SLC6A2: variants seen among roughly 807,000 people sequenced by gnomAD.
The protein encoded by SLC6A2 is solute carrier family 6 member 2, also known as sodium-dependent noradrenaline transporter.
SLC6A2 carries 26 observed loss-of-function variants against 71.7 expected under a neutral mutation model. The ratio of observed to expected loss-of-function variants is 0.36; its 90% CI spans 0.27 to 0.50. SLC6A2 has a LOEUF of 0.50. Ranked by LOEUF, SLC6A2 falls within the 20% of genes least tolerant of loss-of-function variation. SLC6A2 has a pLI of 0.96. For synonymous variants in SLC6A2, 363 were observed against 337.9 expected (o/e 1.07, Z -0.82); for missense variants, 581 against 803.9 (o/e 0.72, Z 3.35).
chr16:55,662,123 G>A lies in SLC6A2; in HGVS notation c.274+5155G>A, dbSNP rs556642754. Among the ~76,000 whole-genome samples the A allele has an allele frequency of 6.6e-5, 10 of 152,348 alleles. No homozygotes were observed. In the East Asian group the frequency reaches 1.7e-3, roughly 26 times the overall value. On this transcript the variant is annotated intron_variant, in intron 2 of 14. Transcript: ENST00000568943. ...TGGTGCTCATCTGGGACCCTGATCTGAGGTCACTGGCATGGTTTGGCTTGT... is the reference window on the plus strand; with the variant it reads ...TGGTGCTCATCTGGGACCCTGATCTAAGGTCACTGGCATGGTTTGGCTTGT...
intron 10 of SLC6A2, 111 bp downstream of exon 10, chr16:55,698,136 G>A: frequency 8.3e-7 from 1 of 1,209,432 alleles, no homozygotes. Flanking sequence ...GAACAATGCA[G>A]GATCCAGCAT....
intron 2 of SLC6A2, among the ~76,000 whole-genome samples, chr16:55,662,442 T>G (rs1964635316): frequency 6.6e-6 from 1 of 152,204 alleles, no homozygotes; most frequent in Non-Finnish European, 1.5e-5. Flanking sequence ...CATGATATGC[T>G]GCAGATCTCC....
Position 55,698,583 on chromosome 16 carries a change from G to A in SLC6A2, c.1489+15G>A. 1 of 1,570,352 alleles carries A rather than the reference G, an allele frequency of 6.4e-7. No homozygotes were observed. Among genetic ancestry groups the A allele is most frequent in the Non-Finnish European group, 8.8e-7 (1 of 1,139,994 alleles). ...CTGGTTTTATGGTATGTGAGTGTGT[G>A]GAAAAGCCTCAGCTCCCAGTCCTCC... is the stretch of plus-strand genomic sequence containing the variant. On this transcript the variant is annotated intron_variant, in intron 11 of 14. Transcript: ENST00000568943.
At chr16:55,691,186 G>A (rs1965607488) in intron 5 of SLC6A2, among the ~76,000 whole-genome samples, 1 of 136,814 alleles carries the variant, frequency 7.3e-6, no homozygotes, top group Admixed American at 7.7e-5. Context: ...GAAGAGGGAG[G>A]GAGGATGGGA....
chr16:55,703,340 G>A lies in SLC6A2; in HGVS notation c.*994G>A. ...GCTGTTGTGTTAATTTATTGTTCTT[G>A]CACACCTGCACAGCCTCCCTCTGGG... On this transcript the variant is annotated 3_prime_UTR_variant, in exon 15 of 15. Transcript: ENST00000568943. 1.0e-6 allele frequency: 1 copy of A among 985,444 alleles called. No homozygotes were observed. Among genetic ancestry groups the A allele is most frequent in the Non-Finnish European group, 1.2e-6 (1 of 829,948 alleles). 61.0% of individuals were successfully genotyped at this position (985,444 alleles called of 1,614,324 possible).
chr16:55,703,925 C>A lies in SLC6A2; in HGVS notation c.*1579C>A. The A allele has an allele frequency of 2.5e-6, 1 of 406,146 alleles. No individual in the cohort carries two copies. Among genetic ancestry groups the A allele is most frequent in the Non-Finnish European group, 3.3e-6 (1 of 300,730 alleles). The allele number at this position is 406,146 out of a possible 1,614,324, so 25.2% of individuals were successfully genotyped here. A position where few individuals can be genotyped will look rare whatever the true frequency, so the allele number is the denominator to read the frequency against. ...TGAGGTTTCCTTGCTGGGTCGGGGT[C>A]CTCAGGTCATTCTATAGATAAAAGA... On this transcript the variant is annotated 3_prime_UTR_variant, in exon 15 of 15. Transcript: ENST00000568943.
chr16:55,659,346 C>T (rs1296366184), intron 2 of SLC6A2, among the ~76,000 whole-genome samples: 2 of 152,172 alleles, frequency 1.3e-5, no homozygotes. Flanking sequence ...GCTCTTTAGT[C>T]ATTGCCAGCA....
chr16:55,697,832 G>A, intron 9 of SLC6A2, 65 bp from the exon 10 acceptor site: 2 of 1,596,132 alleles, frequency 1.3e-6, no homozygotes, highest in East Asian at 2.2e-5. Flanking sequence ...AGGAACCCTG[G>A]GGCCTGAGAC....
rs539531059 is a variant in SLC6A2 at position 55,695,199 on chromosome 16, G to T, written c.1023-79G>T. 1.8e-4 allele frequency: 288 copies of T among 1,572,800 alleles called. No homozygotes were observed. In the African/African-American group the frequency reaches 3.3e-3, roughly 18 times the overall value. On this transcript the variant is annotated intron_variant, in intron 7 of 14. Transcript: ENST00000568943. Reference sequence around the variant, plus strand: ...CTTTGAGGCTGGGGCCAGGCTGCAGGTTCTATAGCCAGTCCAGCAGTCAAA... The same window carrying T: ...CTTTGAGGCTGGGGCCAGGCTGCAGTTTCTATAGCCAGTCCAGCAGTCAAA...
intron 4 of SLC6A2, among the ~76,000 whole-genome samples, chr16:55,674,243 T>C (rs1468192203): frequency 1.3e-5 from 2 of 152,090 alleles, no homozygotes. Flanking sequence ...TATGTCCATG[T>C]GTACTCAATA....
intron 2 of SLC6A2, among the ~76,000 whole-genome samples, chr16:55,667,384 G>T (rs1228245514): frequency 1.3e-5 from 2 of 152,154 alleles, no homozygotes; most frequent in African/African-American, 4.8e-5. Context: ...TCTGTAAAAG[G>T]GATTGTGGTA....
In SLC6A2 at chr16:55,695,163, G is replaced by T. The variant is rs550557129; in HGVS notation, c.1023-115G>T. ...CCATGTGGCAGCAGGAGCCACTGAA[G>T]GGGGGATGGCCTTTGAGGCTGGGGC... is the stretch of plus-strand genomic sequence containing the variant. On this transcript the variant is annotated intron_variant, in intron 7 of 14. Transcript: ENST00000568943. 5 of 1,234,472 alleles carry T rather than the reference G, an allele frequency of 4.1e-6. No individual in the cohort carries two copies. The African/African-American group carries it at 4.4e-5, about 11-fold the overall frequency. 76.5% of individuals were successfully genotyped at this position (1,234,472 alleles called of 1,614,324 possible).
At chr16:55,680,518 T>A (rs1965236814) in intron 4 of SLC6A2, among the ~76,000 whole-genome samples, 1 of 152,084 alleles carries the variant, frequency 6.6e-6, no homozygotes, top group African/African-American at 2.4e-5. Flanking sequence ...ACTAAACCAG[T>A]CTAGTCTTTC....
At chr16:55,683,612 TCAAA>T (rs55763616) in intron 4 of SLC6A2, among the ~76,000 whole-genome samples, 70,003 of 150,564 alleles carry the variant, frequency 0.46, 16,531 homozygotes, top group Middle Eastern at 0.53. Flanking sequence ...AAACTCCGTC[TCAAA>T]CAAACAAACA....
chr16:55,701,478 C>A (rs1185640787), intron 13 of SLC6A2, among the ~76,000 whole-genome samples: 1 of 152,194 alleles, frequency 6.6e-6, no homozygotes, highest in Non-Finnish European at 1.5e-5. Flanking sequence ...CCTGCAGGGC[C>A]AGAGGCTTCC....
chr16:55,706,121 G>A lies in SLC6A2; in HGVS notation c.*3775G>A, dbSNP rs1177956941. ...TCATGCAGATTTCTGTGTCTGATAT[G>A]GATTTTAAAAGTTGTTCTCTTTGTG... On this transcript the variant is annotated 3_prime_UTR_variant, in exon 15 of 15. Transcript: ENST00000568943. 6.6e-6 allele frequency: 1 copy of A among 152,180 alleles called. No individual in the cohort carries two copies. Among genetic ancestry groups the A allele is most frequent in the African/African-American group, 2.4e-5 (1 of 41,424 alleles). 9.4% of individuals were successfully genotyped at this position (152,180 alleles called of 1,614,324 possible).
rs1291060901 is a variant in SLC6A2, at chr16:55,702,869, G to A, written c.*523G>A. 7.1e-6 allele frequency: 7 copies of A among 992,508 alleles called. No individual in the cohort carries two copies. Among genetic ancestry groups the A allele is most frequent in the Non-Finnish European group, 8.4e-6 (7 of 834,192 alleles). 61.5% of individuals were successfully genotyped at this position (992,508 alleles called of 1,614,324 possible). On this transcript the variant is annotated 3_prime_UTR_variant, in exon 15 of 15. Transcript: ENST00000568943. Reference sequence around the variant, plus strand: ...CACCCTAGACAGCCCTCTCATGTCTGAACCTCAGCCTGGGAGTTAGATTTA... The same window carrying A: ...CACCCTAGACAGCCCTCTCATGTCTAAACCTCAGCCTGGGAGTTAGATTTA...
intron 8 of SLC6A2, 121 bp downstream of exon 8, chr16:55,695,523 C>A: frequency 2.7e-6 from 3 of 1,091,286 alleles, no homozygotes; most frequent in Non-Finnish European, 4.1e-6. Flanking sequence ...TGGAGGTGTC[C>A]AAACCACCCA....
Position 55,656,251 on chromosome 16 carries a change from T to G in SLC6A2, c.-52+82T>G. 14 of 218,644 alleles carry G rather than the reference T, an allele frequency of 6.4e-5. No homozygotes were observed. The highest frequency in any genetic ancestry group is 8.3e-5 in the Non-Finnish European group (9 of 108,468). The allele number at this position is 218,644 out of a possible 1,614,324, so 13.5% of individuals were successfully genotyped here. On this transcript the variant is annotated intron_variant, in intron 1 of 14. Coordinates refer to ENST00000568943, the MANE Select transcript of SLC6A2 (RefSeq NM_001172501.3). This position sits in a 1 kb window ranked among gnomAD's most constrained non-coding sequence, Gnocchi z 4.5. ...GACGCGCCAGCAGAGGGCTAGCGAGTTTGTAGTGCAGTGACGTTAAGTGTC... is the reference window on the plus strand; with the variant it reads ...GACGCGCCAGCAGAGGGCTAGCGAGGTTGTAGTGCAGTGACGTTAAGTGTC...
Sources: gnomAD v4.1 joint callset for allele counts (sites outside exome capture counted in the v4.1 genomes callset) on GRCh38, gnomAD v4.1.1 for gene constraint, Gnocchi (gnomAD v3.1) non-coding constraint, MANE v1.5 for transcripts, NCBI Gene and HGNC (gene_info 2026-07-23, HGNC 2026-07-21) for gene names.